KRT72: variants seen among roughly 807,000 people sequenced by gnomAD.
KRT72 encodes keratin 72.
KRT72 carries 44 observed loss-of-function variants against 44.7 expected under a neutral mutation model. The ratio of observed to expected loss-of-function variants is 0.98; its 90% CI spans 0.77 to 1.27. The LOEUF (loss-of-function observed/expected upper bound fraction) is 1.27. KRT72 is among the 50% of genes most tolerant of loss of function. KRT72 has a pLI of 0.00. For synonymous variants in KRT72, 302 were observed against 280.4 expected, an observed-to-expected ratio of 1.08 and a Z score of -0.77; for missense variants, 736 against 667.1, an observed-to-expected ratio of 1.10 and a Z score of -1.14.
chr12:52,601,405 G>A lies in KRT72; in HGVS notation c.48C>T (p.Phe16=). 1 of 1,541,274 alleles carries A rather than the reference G, an allele frequency of 6.5e-7. No individual in the cohort carries two copies. ...THFPRGERLG[F]SGCSAVLSGG... is the part of the protein sequence containing the mutation. ...CAGAGAGGACCGCGGAGCAACCGCTGAAGCCCAGGCGCTCCCCGCGGGGGA... is the reference window on the plus strand; with the variant it reads ...CAGAGAGGACCGCGGAGCAACCGCTAAAGCCCAGGCGCTCCCCGCGGGGGA... The change falls in exon 1 of 9, where the codon TTC becomes TTT. Residue 16 remains phenylalanine (F), a synonymous_variant. Transcript: ENST00000293745.
upstream of KRT72, chr12:52,601,641 C>G: frequency 5.0e-6 from 3 of 602,594 alleles, no homozygotes; most frequent in East Asian, 6.0e-5. Flanking sequence ...ATGCACTCAC[C>G]GAGATTTTTG....
At chr12:52,602,506 T>C (rs933718790), upstream of KRT72, among the ~76,000 whole-genome samples, 3 of 152,170 alleles carry the variant, frequency 2.0e-5, no homozygotes, top group African/African-American at 7.2e-5. Flanking sequence ...TGCCTTCAAG[T>C]CTCCTCCTCT....
chr12:52,590,720 G>T, intron 6 of KRT72, 116 bp downstream of exon 6: 1 of 974,730 alleles, frequency 1.0e-6, no homozygotes, highest in Non-Finnish European at 1.5e-6. Context: ...ATCCTCTCCT[G>T]GTAAATTAGA....
At chr12:52,599,333 A>G (rs1284210177) in intron 1 of KRT72, 4 of 620,400 alleles carry the variant, frequency 6.4e-6, no homozygotes, top group African/African-American at 1.8e-5. Flanking sequence ...GGCTTAAGCA[A>G]TGGTACCATC....
chr12:52,590,263 G>A (rs185393521), intron 6 of KRT72, among the ~76,000 whole-genome samples: 135 of 152,310 alleles, frequency 8.9e-4, no homozygotes, highest in Admixed American at 1.4e-3. Context: ...AAGGCCCCAC[G>A]CTAGTGCAGG....
rs1940446758 is a variant in KRT72 at position 52,601,339 on chromosome 12, G to C, written c.114C>G (p.Val38=). The part of the protein sequence containing the change: ...GSSSASFRAR[V]KGSASFGSKS... The stretch of plus-strand genomic sequence containing the variant: ...TGCTGCCAAAGGAGGCCGAGCCCTT[G>C]ACCCGGGCCCGGAATGAGGCGGAGC... Residue 38 remains valine (V), a synonymous_variant, in exon 1 of 9, where the codon GTC becomes GTG. Transcript: ENST00000293745. 1.3e-6 allele frequency: 2 copies of C among 1,545,308 alleles called. No individual in the cohort carries two copies. The highest frequency in any genetic ancestry group is 3.9e-5 in the Admixed American group (2 of 51,010).
chr12:52,590,717 C>T (rs1283740837), intron 6 of KRT72, 119 bp downstream of exon 6: 2 of 946,018 alleles, frequency 2.1e-6, no homozygotes, highest in Non-Finnish European at 3.0e-6. Context: ...ATCATCCTCT[C>T]CTGGTAAATT....
Position 52,590,949 on chromosome 12 carries a change from G to C in KRT72, c.976C>G (p.Gln326Glu), listed in dbSNP as rs34769047. Residue 326 changes from glutamine to glutamate, a missense_variant, in exon 6 of 9, where the codon CAG becomes GAG. Coordinates refer to ENST00000293745, the MANE Select transcript of KRT72 (RefSeq NM_080747.3). ...TCCCCATGCTGGCCTGCTGTGACCT[G>C]CAGCTCCTGGATCTGAGGTTGGGTG... Reference protein sequence around the residue: ...TLYQTKIQELQVTAGQHGDDL... With the variant: ...TLYQTKIQELEVTAGQHGDDL... 4,908 of 1,594,480 alleles carry C rather than the reference G, an allele frequency of 3.1e-3. 108 individuals are homozygous for C. The African/African-American group carries it at 0.058, about 19-fold the overall frequency.
In KRT72 at chr12:52,601,259, C is replaced by G. The variant is rs774099286; in HGVS notation, c.194G>C (p.Arg65Pro). The change falls in exon 1 of 9, where the codon CGG (arginine) becomes CCG (proline). Residue 65 changes from arginine (R) to proline (P), a missense_variant. By Grantham distance (103) the Arg-to-Pro change is moderately radical (BLOSUM62 -2). Coordinates refer to ENST00000293745, the MANE Select transcript of KRT72 (RefSeq NM_080747.3). ...SRSLALSAAA[R>P]RGGGRLGGFV... ...GCCGCCCAGGCGGCCGCCGCCCCGC[C>G]GTGCAGCAGCGCTGAGCGCCAGGCT... 5.5e-5 allele frequency: 86 copies of G among 1,559,588 alleles called. No homozygotes were observed. Among genetic ancestry groups the G allele is most frequent in the Non-Finnish European group, 7.4e-5 (85 of 1,152,572 alleles).
chr12:52,597,046 G>A (rs553834865), intron 2 of KRT72, among the ~76,000 whole-genome samples: 50 of 152,286 alleles, frequency 3.3e-4, no homozygotes, highest in South Asian at 6.2e-4. Context: ...GGTGATGGGC[G>A]CTAACCTGCT....
At chr12:52,592,321 C>G in intron 4 of KRT72, 75 bp downstream of exon 4, 1 of 1,061,886 alleles carries the variant, frequency 9.4e-7, no homozygotes, top group East Asian at 2.4e-5. Flanking sequence ...TTGGTCCACA[C>G]CACCTTCCAG....
At position 52,587,612 on chromosome 12, in the gene KRT72, A is replaced by G; in HGVS notation, c.1310+19T>C. The stretch of plus-strand genomic sequence containing the variant: ...CAGAGAGAAAACTGGTCCCGACACA[A>G]GGGTATCCGGCCCCTCACCTGCACT... On this transcript the variant is annotated intron_variant, in intron 7 of 8. Coordinates refer to ENST00000293745, the MANE Select transcript of KRT72 (RefSeq NM_080747.3). 1.2e-6 allele frequency: 2 copies of G among 1,613,318 alleles called. No homozygotes were observed.
intron 1 of KRT72, 122 bp from the exon 2 acceptor site, chr12:52,599,234 T>A: frequency 1.1e-6 from 1 of 887,934 alleles, no homozygotes; most frequent in Non-Finnish European, 1.8e-6. Flanking sequence ...AAAACAAGGC[T>A]TATCCCGGGG....
chr12:52,592,286 T>C, intron 4 of KRT72, 110 bp downstream of exon 4: 1 of 763,658 alleles, frequency 1.3e-6, no homozygotes, highest in South Asian at 1.5e-5. Flanking sequence ...GGGCACCAGG[T>C]TGAAAGCTTT....
chr12:52,588,721 G>A (rs1285786277), intron 6 of KRT72, among the ~76,000 whole-genome samples: 1 of 152,114 alleles, frequency 6.6e-6, no homozygotes, highest in Non-Finnish European at 1.5e-5. Flanking sequence ...AATAGACTGG[G>A]CACAGTGGCT....
intron 1 of KRT72, among the ~76,000 whole-genome samples, 160 bp downstream of exon 1, chr12:52,600,867 C>T (rs971077021): frequency 3.3e-5 from 5 of 152,220 alleles, no homozygotes; most frequent in Non-Finnish European, 7.3e-5. Context: ...TCGCAACCCA[C>T]TGGAGTAAGA....
intron 3 of KRT72, 112 bp downstream of exon 3, chr12:52,592,780 C>T (rs1940094065): frequency 1.1e-6 from 1 of 882,182 alleles, no homozygotes; most frequent in Non-Finnish European, 1.8e-6. Context: ...TGCCAGTCAC[C>T]CCTGCCCAAG....
chr12:52,586,277 C>T (rs1939744058), intron 8 of KRT72, 105 bp from the exon 9 acceptor site: 3 of 865,608 alleles, frequency 3.5e-6, no homozygotes, highest in African/African-American at 3.4e-5. Context: ...CCCGCAGTGG[C>T]TTCCTGCTGA....
chr12:52,602,431 A>T (rs1940505500), upstream of KRT72, among the ~76,000 whole-genome samples: 1 of 152,210 alleles, frequency 6.6e-6, no homozygotes, highest in African/African-American at 2.4e-5. Context: ...CTAGAACTTC[A>T]TTCCCTTTAA....
Sources: allele counts gnomAD v4.1 joint callset (sites outside exome capture counted in the v4.1 genomes callset), GRCh38; gene constraint gnomAD v4.1.1; transcripts MANE v1.5; gene names NCBI Gene and HGNC (gene_info 2026-07-23, HGNC 2026-07-21).